ERC2: variants seen among roughly 807,000 people sequenced by gnomAD.
ERC2 encodes ERC protein 2.
Under a neutral mutation model 114.8 loss-of-function variants are expected in ERC2, and 42 were observed. The observed-to-expected ratio is 0.37, with a 90% CI of 0.29 to 0.47. The LOEUF (loss-of-function observed/expected upper bound fraction) is 0.47, where lower values mean the gene tolerates loss of function less well. ERC2 is among the 20% of genes least tolerant of loss of function. The probability of loss-of-function intolerance (pLI) is 0.99; values close to 1 mark genes in which losing one functional copy is unlikely to be tolerated. For synonymous variants in ERC2, 454 were observed against 425.5 expected, an observed-to-expected ratio of 1.07 and a Z score of -0.82; for missense variants, 939 against 1,150.7, an observed-to-expected ratio of 0.82 and a Z score of 2.66.
At chr3:55,777,928 G>GT (rs952911577) in intron 14 of ERC2, among the ~76,000 whole-genome samples, 2 of 152,028 alleles carry the variant, frequency 1.3e-5, no homozygotes, top group Non-Finnish European at 2.9e-5. Flanking sequence ...ATTTTGTTAG[G>GT]TTTTTTATTT....
At chr3:56,047,330 T>C (rs2075528052) in intron 7 of ERC2, among the ~76,000 whole-genome samples, 2 of 152,200 alleles carry the variant, frequency 1.3e-5, no homozygotes, top group Admixed American at 1.3e-4. Context: ...AATCAGAGCA[T>C]ATGTTTGGGG....
At chr3:55,548,634 AT>A (rs1478485802) in intron 17 of ERC2, among the ~76,000 whole-genome samples, 6 of 152,194 alleles carry the variant, frequency 3.9e-5, no homozygotes, top group African/African-American at 1.4e-4. Context: ...AGGCATCCAA[AT>A]TCTCTGTCTA....
At chr3:55,736,708 A>G (rs1312785893) in intron 14 of ERC2, among the ~76,000 whole-genome samples, 2 of 152,170 alleles carry the variant, frequency 1.3e-5, no homozygotes, top group Non-Finnish European at 2.9e-5. Flanking sequence ...AGACTTTTAA[A>G]GATATCACCA....
At chr3:56,323,883 C>T (rs372551020) in intron 2 of ERC2, among the ~76,000 whole-genome samples, 22 of 152,230 alleles carry the variant, frequency 1.4e-4, no homozygotes, top group Middle Eastern at 6.8e-3. Context: ...GTGAAGCACT[C>T]GCAAGATTCT....
chr3:55,613,138 C>G (rs766847056), intron 17 of ERC2: 3 of 152,210 alleles, frequency 2.0e-5, no homozygotes, highest in Non-Finnish European at 4.4e-5. Flanking sequence ...AGTTTTGAAC[C>G]ATTTGAGTTC....
intron 17 of ERC2, among the ~76,000 whole-genome samples, chr3:55,513,561 A>C (rs1212871452): frequency 1.3e-5 from 2 of 152,126 alleles, no homozygotes; most frequent in African/African-American, 4.8e-5. Flanking sequence ...CATATACTGC[A>C]GAGTCCCCTT....
intron 17 of ERC2, among the ~76,000 whole-genome samples, chr3:55,626,515 T>C (rs1365918508): frequency 6.6e-6 from 1 of 152,226 alleles, no homozygotes; most frequent in Non-Finnish European, 1.5e-5. Flanking sequence ...TGCAACTCAT[T>C]AGCATTACAG....
At chr3:56,205,276 T>A (rs892840737) in intron 3 of ERC2, among the ~76,000 whole-genome samples, 4 of 152,174 alleles carry the variant, frequency 2.6e-5, no homozygotes, top group Non-Finnish European at 5.9e-5. Flanking sequence ...CTGTGTTCCA[T>A]AATCATGTGT....
At chr3:55,629,344 A>G (rs1031704028) in intron 17 of ERC2, among the ~76,000 whole-genome samples, 3 of 152,202 alleles carry the variant, frequency 2.0e-5, no homozygotes, top group African/African-American at 7.2e-5. Flanking sequence ...TGGGGTTGGG[A>G]GGAAGCCAAA....
intron 6 of ERC2, among the ~76,000 whole-genome samples, chr3:56,100,341 T>C (rs1462950333): frequency 2.6e-5 from 4 of 152,134 alleles, no homozygotes; most frequent in African/African-American, 4.8e-5. Context: ...TCAAAAAGCA[T>C]ATCCCTTTAC....
intron 17 of ERC2, among the ~76,000 whole-genome samples, chr3:55,536,008 A>G (rs1404640389): frequency 6.6e-6 from 1 of 151,636 alleles, no homozygotes; most frequent in Non-Finnish European, 1.5e-5. Context: ...TCAAAAACAA[A>G]ACAACAACAA....
At chr3:56,169,657 GT>G (rs1307689861) in intron 4 of ERC2, among the ~76,000 whole-genome samples, 1 of 152,076 alleles carries the variant, frequency 6.6e-6, no homozygotes, top group South Asian at 2.1e-4. Context: ...CAATACCCCT[GT>G]TTTTTTCCAG....
intron 17 of ERC2, among the ~76,000 whole-genome samples, chr3:55,520,796 T>C (rs532919375): frequency 6.6e-6 from 1 of 152,292 alleles, no homozygotes; most frequent in African/African-American, 2.4e-5. Context: ...GAAAATAAAG[T>C]AAAACACTGT....
chr3:55,638,238 C>A (rs1370317368), intron 17 of ERC2, among the ~76,000 whole-genome samples: 1 of 152,228 alleles, frequency 6.6e-6, no homozygotes, highest in Non-Finnish European at 1.5e-5. Flanking sequence ...CACATCCCAA[C>A]CTCCTCCATG....
intron 12 of ERC2, among the ~76,000 whole-genome samples, chr3:55,972,560 G>C (rs2069246749): frequency 6.6e-6 from 1 of 152,164 alleles, no homozygotes; most frequent in South Asian, 2.1e-4. Context: ...AGTTTGCTGA[G>C]AATGATGGTT....
At chr3:56,068,631 G>A (rs911148241) in intron 7 of ERC2, among the ~76,000 whole-genome samples, 2 of 152,054 alleles carry the variant, frequency 1.3e-5, no homozygotes, top group African/African-American at 4.8e-5. Context: ...TTTTAGTTTT[G>A]ATGTTACAGT....
intron 13 of ERC2, among the ~76,000 whole-genome samples, chr3:55,920,336 C>T (rs752827579): frequency 6.0e-5 from 9 of 151,134 alleles, no homozygotes; most frequent in East Asian, 2.0e-4. Context: ...AGGCACTAAA[C>T]GAATAAATAT....
At chr3:55,769,638 A>C (rs2068055678) in intron 14 of ERC2, among the ~76,000 whole-genome samples, 2 of 152,174 alleles carry the variant, frequency 1.3e-5, no homozygotes, top group Non-Finnish European at 2.9e-5. Context: ...AAAAAGTTGA[A>C]TATCAGCAAT....
chr3:55,802,164 T>C (rs2071112096), intron 14 of ERC2, among the ~76,000 whole-genome samples: 1 of 152,236 alleles, frequency 6.6e-6, no homozygotes, highest in African/African-American at 2.4e-5. Flanking sequence ...CATAAAAAGG[T>C]AAATGTACTC....
Sources: gnomAD v4.1 joint callset for allele counts (sites outside exome capture counted in the v4.1 genomes callset) on GRCh38, gnomAD v4.1.1 for gene constraint, MANE v1.5 for transcripts, NCBI Gene and HGNC (gene_info 2026-07-23, HGNC 2026-07-21) for gene names.